Variants in PTPRD observed in about 807,000 individuals in gnomAD.
The protein encoded by PTPRD is receptor-type tyrosine-protein phosphatase delta.
PTPRD carries 34 observed loss-of-function variants against 214.5 expected under a neutral mutation model. The ratio of observed to expected loss-of-function variants is 0.16; its 90% CI spans 0.12 to 0.21. The LOEUF (loss-of-function observed/expected upper bound fraction) is 0.21, where lower values mean the gene tolerates loss of function less well. Among genes scored for constraint, PTPRD ranks in the 10% least tolerant of loss-of-function variants. The pLI, the probability that PTPRD is intolerant of heterozygous loss-of-function variation, is 1.00. For synonymous variants in PTPRD, 1,128 were observed against 845.7 expected, an observed-to-expected ratio of 1.33 and a Z score of -5.79; for missense variants, 2,545 against 2,398.7, an observed-to-expected ratio of 1.06 and a Z score of -1.27.
intron 9 of PTPRD, among the ~76,000 whole-genome samples, chr9:9,257,917 C>CA (rs2099978441): frequency 6.6e-6 from 1 of 151,896 alleles, no homozygotes; most frequent in South Asian, 2.1e-4. Context: ...CCTGTATTGG[C>CA]AAAAATCACA....
intron 4 of PTPRD, among the ~76,000 whole-genome samples, chr9:10,000,256 CAA>C (rs1306315749): frequency 9.9e-5 from 15 of 152,240 alleles, no homozygotes; most frequent in South Asian, 8.3e-4. Flanking sequence ...GTGTAACTAA[CAA>C]GAGTCAAATT....
chr9:9,275,118 A>ATT (rs1348520306), intron 9 of PTPRD, among the ~76,000 whole-genome samples: 2 of 53,448 alleles, frequency 3.7e-5, no homozygotes, highest in African/African-American at 1.6e-4. Context: ...TTATATATAT[A>ATT]TTATATATAT....
chr9:8,845,356 T>G (rs2254372), intron 11 of PTPRD, among the ~76,000 whole-genome samples: 1 of 152,078 alleles, frequency 6.6e-6, no homozygotes, highest in Non-Finnish European at 1.5e-5. Flanking sequence ...ATCGTACATG[T>G]CATTTGAATA....
At chr9:9,220,690 G>T (rs2099955394) in intron 9 of PTPRD, among the ~76,000 whole-genome samples, 2 of 152,008 alleles carry the variant, frequency 1.3e-5, no homozygotes, top group African/African-American at 4.8e-5. Flanking sequence ...CTACAGCACA[G>T]TCAACTACAT....
chr9:9,957,925 C>G (rs1539641), intron 4 of PTPRD, among the ~76,000 whole-genome samples: 206 of 151,694 alleles, frequency 1.4e-3, no homozygotes, highest in African/African-American at 4.7e-3. Context: ...AGACCCACAT[C>G]AATACAGTCA....
At chr9:9,052,374 T>G (rs1411382254) in intron 10 of PTPRD, among the ~76,000 whole-genome samples, 1 of 152,220 alleles carries the variant, frequency 6.6e-6, no homozygotes, top group Non-Finnish European at 1.5e-5. Context: ...TGGAATCCAG[T>G]AAGGCTAAAT....
intron 2 of PTPRD, among the ~76,000 whole-genome samples, chr9:10,570,277 T>C (rs939592197): frequency 4.0e-5 from 6 of 151,704 alleles, no homozygotes; most frequent in African/African-American, 1.5e-4. Context: ...TAATACATTA[T>C]CAGACTAAAC....
At chr9:9,524,946 CTT>C (rs2073721421) in intron 8 of PTPRD, among the ~76,000 whole-genome samples, 1 of 152,206 alleles carries the variant, frequency 6.6e-6, no homozygotes, top group Non-Finnish European at 1.5e-5. Context: ...CAAGCTCCGC[CTT>C]CCAGGTTCAC....
intron 8 of PTPRD, among the ~76,000 whole-genome samples, chr9:9,567,948 C>G (rs1004245405): frequency 6.6e-6 from 1 of 151,686 alleles, no homozygotes; most frequent in Non-Finnish European, 1.5e-5. Flanking sequence ...GGCAAAATCC[C>G]CTTTTTTTTT....
intron 11 of PTPRD, among the ~76,000 whole-genome samples, chr9:8,852,497 G>A (rs2097840029): frequency 6.6e-6 from 1 of 152,288 alleles, no homozygotes; most frequent in South Asian, 2.1e-4. Flanking sequence ...GTAAATGCTG[G>A]AGGAGCCAAA....
chr9:8,581,797 A>G (rs192176109), intron 14 of PTPRD, among the ~76,000 whole-genome samples: 1 of 133,338 alleles, frequency 7.5e-6, no homozygotes, highest in African/African-American at 2.8e-5. Context: ...AGGGGAGGAG[A>G]GGTGAGGGGA....
rs558644441 is a variant in PTPRD at position 9,519,762 on chromosome 9, C to G, written c.-237+54970G>C. On this transcript the variant is annotated intron_variant, in intron 8 of 45. Coordinates refer to ENST00000381196, the MANE Select transcript of PTPRD (RefSeq NM_002839.4). The stretch of plus-strand genomic sequence containing the variant: ...CATCAATTGAAAGACTCAATATTAT[C>G]AAAATGTTGATTCATCTCAAATTGT... 2.6e-5 allele frequency among the ~76,000 whole-genome samples: 4 copies of G among 152,030 alleles called. No homozygotes were observed. In the East Asian group the frequency reaches 7.7e-4, roughly 29 times the overall value.
intron 7 of PTPRD, among the ~76,000 whole-genome samples, chr9:9,607,470 A>G (rs1322720192): frequency 6.6e-6 from 1 of 152,214 alleles, no homozygotes. Flanking sequence ...AAACTAGCTG[A>G]AAACCAAATA....
At chr9:8,988,371 A>G (rs1015274667) in intron 11 of PTPRD, among the ~76,000 whole-genome samples, 1 of 152,060 alleles carries the variant, frequency 6.6e-6, no homozygotes, top group South Asian at 2.1e-4. Context: ...ACTCCCATCA[A>G]TTGTTGCAGT....
chr9:10,167,019 T>C (rs1411187618), intron 3 of PTPRD, among the ~76,000 whole-genome samples: 1 of 152,148 alleles, frequency 6.6e-6, no homozygotes, highest in Non-Finnish European at 1.5e-5. Flanking sequence ...AGTATTCACT[T>C]TCAGAATTGT....
intron 10 of PTPRD, among the ~76,000 whole-genome samples, chr9:9,078,480 A>G (rs2099754269): frequency 6.6e-6 from 1 of 152,102 alleles, no homozygotes; most frequent in South Asian, 2.1e-4. Flanking sequence ...AAGTTCTTAA[A>G]ACAGCTCCAC....
intron 3 of PTPRD, among the ~76,000 whole-genome samples, chr9:10,141,338 A>G (rs1280703411): frequency 6.6e-6 from 1 of 152,152 alleles, no homozygotes; most frequent in Non-Finnish European, 1.5e-5. Flanking sequence ...ACATGATTGT[A>G]TATCTAGAAA....
chr9:10,083,386 G>A (rs985369371), intron 3 of PTPRD, among the ~76,000 whole-genome samples: 1 of 152,024 alleles, frequency 6.6e-6, no homozygotes, highest in African/African-American at 2.4e-5. Context: ...TTTTCAAAAT[G>A]TGGCTGTATG....
At chr9:10,067,965 T>C (rs544180492) in intron 3 of PTPRD, among the ~76,000 whole-genome samples, 1 of 152,000 alleles carries the variant, frequency 6.6e-6, no homozygotes, top group Admixed American at 6.6e-5. Flanking sequence ...CTCTTGGGAT[T>C]TTGTGCTAGC....
Sources: allele counts gnomAD v4.1 joint callset (sites outside exome capture counted in the v4.1 genomes callset), GRCh38; gene constraint gnomAD v4.1.1; transcripts MANE v1.5; gene names NCBI Gene and HGNC (gene_info 2026-07-23, HGNC 2026-07-21).